The following CPNE1 variants were observed in gnomAD, a reference collection of about 807,000 sequenced individuals.
CPNE1 encodes copine 1.
A neutral mutation model predicts 63.2 loss-of-function variants in CPNE1; 58 were observed. The observed-to-expected ratio is 0.92, with a 90% CI of 0.74 to 1.14. The LOEUF (loss-of-function observed/expected upper bound fraction) is 1.14, where lower values mean the gene tolerates loss of function less well. CPNE1 is among the 50% of genes most tolerant of loss of function. The pLI is 0.00. For missense variants in CPNE1, 672 were observed against 661.7 expected (o/e 1.02, Z -0.17); for synonymous variants, 237 against 249.0 (o/e 0.95, Z 0.45).
rs775287659 is a variant in CPNE1, at chr20:35,632,795, C to T, written c.129G>A (p.Glu43=). The part of the protein sequence containing the change: ...LQDVGGGSWA[E]LGRTERVRNC... ...CCTTAACCTCCATAATCCGCCTCAC[C>T]TCAGCCCAGCTGCCCCCTCCCACAT... is the stretch of plus-strand genomic sequence containing the variant. The change falls in exon 2 of 16, where the codon GAG becomes GAA. Residue 43 remains glutamate (E), a splice_region_variant and synonymous_variant. Transcript: ENST00000397443. 2.3e-6 allele frequency: 2 copies of T among 871,990 alleles called. No individual in the cohort carries two copies. Among genetic ancestry groups the T allele is most frequent in the Non-Finnish European group, 4.0e-6 (2 of 501,206 alleles). 54.0% of individuals were successfully genotyped at this position (871,990 alleles called of 1,614,324 possible).
At chr20:35,634,551 G>A (rs1234016837) in intron 1 of CPNE1, among the ~76,000 whole-genome samples, 11 of 151,898 alleles carry the variant, frequency 7.2e-5, no homozygotes, top group South Asian at 6.2e-4. Context: ...CCGAGATCGC[G>A]CCACCGTACT....
intron 1 of CPNE1, among the ~76,000 whole-genome samples, chr20:35,633,790 TA>T (rs939084569): frequency 9.1e-4 from 131 of 143,330 alleles, no homozygotes; most frequent in Admixed American, 1.9e-3. Flanking sequence ...CCGTCTCTAC[TA>T]AAAAAAAAAA....
chr20:35,635,628 G>C (rs1394805509), intron 1 of CPNE1, among the ~76,000 whole-genome samples: 1 of 151,922 alleles, frequency 6.6e-6, no homozygotes, highest in Non-Finnish European at 1.5e-5. Flanking sequence ...GTCCCCCTTG[G>C]CCCATATACC....
At chr20:35,662,301 TCTAA>T (rs2034274636) in intron 1 of CPNE1, among the ~76,000 whole-genome samples, 1 of 152,230 alleles carries the variant, frequency 6.6e-6, no homozygotes, top group Non-Finnish European at 1.5e-5. Flanking sequence ...AAATTATACT[TCTAA>T]CCTAAACAAC....
chr20:35,627,284 G>A lies in CPNE1; in HGVS notation c.1232C>T (p.Ala411Val), dbSNP rs772421629. The A allele has an allele frequency of 1.2e-6, 2 of 1,611,630 alleles. No homozygotes were observed. Among genetic ancestry groups the A allele is most frequent in the South Asian group, 2.2e-5 (2 of 90,994 alleles). The change falls in exon 14 of 16, where the codon GCC becomes GTC. Residue 411 changes from alanine (A) to valine (V), a missense_variant. Coordinates refer to ENST00000397443, the MANE Select transcript of CPNE1 (RefSeq NM_152925.3). ...ACTGCCACCCACGACTCTCACCGAG[G>A]CAGTCCCCTGATGTGCAGCCTGGGC... ...FAAQAAHQGT[A>V]SQYFMLLLLT...
chr20:35,647,330 A>AG (rs1386077242), intron 1 of CPNE1: 1 of 151,672 alleles, frequency 6.6e-6, no homozygotes, highest in Non-Finnish European at 1.5e-5. Flanking sequence ...AAAAAAAAAA[A>AG]AAAAAAGAGC....
At chr20:35,649,960 T>C (rs929038706) in intron 1 of CPNE1, 2 of 152,604 alleles carry the variant, frequency 1.3e-5, no homozygotes, top group African/African-American at 4.8e-5. Context: ...GAGAAAATAA[T>C]GTCAATTCAT....
intron 1 of CPNE1, among the ~76,000 whole-genome samples, chr20:35,662,307 C>T (rs6060544): frequency 6.6e-6 from 1 of 152,156 alleles, no homozygotes; most frequent in African/African-American, 2.4e-5. Flanking sequence ...TACTTCTAAC[C>T]TAAACAACCA....
At chr20:35,660,910 A>T (rs1029408804) in intron 1 of CPNE1, among the ~76,000 whole-genome samples, 7 of 152,288 alleles carry the variant, frequency 4.6e-5, no homozygotes, top group African/African-American at 1.7e-4. Flanking sequence ...AAGGGAACTC[A>T]CCAGGTCTAC....
chr20:35,631,944 C>T lies in CPNE1; in HGVS notation c.537+1G>A. 6.2e-7 allele frequency: 1 copy of T among 1,612,582 alleles called. No homozygotes were observed. Among genetic ancestry groups the T allele is most frequent in the Non-Finnish European group, 8.5e-7 (1 of 1,178,678 alleles). On this transcript the variant is annotated splice_donor_variant, in intron 6 of 15. Transcript: ENST00000397443. LOFTEE classifies it high-confidence loss of function. ...CCCACCCAATCCCAGGGGTCTCATA[C>T]CTCAGATCTGTACACCAGGTGCCAT...
chr20:35,661,956 G>A (rs770825154), intron 1 of CPNE1, among the ~76,000 whole-genome samples: 2 of 151,960 alleles, frequency 1.3e-5, no homozygotes, highest in African/African-American at 2.4e-5. Context: ...CAATCACAAC[G>A]GGCACAATGC....
intron 1 of CPNE1, among the ~76,000 whole-genome samples, chr20:35,658,399 T>C (rs1330916543): frequency 1.3e-5 from 2 of 152,234 alleles, no homozygotes; most frequent in South Asian, 2.1e-4. Context: ...ATAAATGAAA[T>C]TGACCCCCAA....
intron 1 of CPNE1, chr20:35,643,267 C>G (rs1009925602): frequency 1.3e-5 from 2 of 157,718 alleles, no homozygotes; most frequent in Non-Finnish European, 2.9e-5. Flanking sequence ...TGTCCCGAAG[C>G]TGCATGCTCG....
At position 35,632,020 on chromosome 20, in the gene CPNE1, G is replaced by A. The variant is rs1311123038; in HGVS notation, c.462C>T (p.Phe154=). The change falls in exon 6 of 16, where the codon TTC becomes TTT. Residue 154 remains phenylalanine (F), a synonymous_variant. Transcript: ENST00000397443. ...VEARNLDKKD[F]LGKSDPFLEF... ...CCAGAAATGGATCTGATTTTCCCAG[G>A]AAGTCCTGCCAATGCGAGACCCCAG... 1 of 1,613,998 alleles carries A rather than the reference G, an allele frequency of 6.2e-7. No individual in the cohort carries two copies. Among genetic ancestry groups the A allele is most frequent in the South Asian group, 1.1e-5 (1 of 91,074 alleles).
intron 1 of CPNE1, among the ~76,000 whole-genome samples, chr20:35,643,689 G>A (rs545951418): frequency 3.9e-4 from 59 of 152,176 alleles, no homozygotes; most frequent in Non-Finnish European, 6.6e-4. Context: ...CTGAGATCAC[G>A]CCACTGCACT....
chr20:35,641,682 CATG>C (rs1479062885), intron 1 of CPNE1, among the ~76,000 whole-genome samples: 4 of 152,178 alleles, frequency 2.6e-5, no homozygotes, highest in African/African-American at 9.7e-5. Flanking sequence ...CTCCCCTTTT[CATG>C]ATCTTTCCAG....
At chr20:35,651,777 G>C (rs1050962046) in intron 1 of CPNE1, 3 of 152,576 alleles carry the variant, frequency 2.0e-5, no homozygotes, top group Admixed American at 2.0e-4. Context: ...GGTAGATAAA[G>C]GACTCCATAG....
At chr20:35,629,896 C>T (rs1026932649) in intron 13 of CPNE1, among the ~76,000 whole-genome samples, 1 of 152,044 alleles carries the variant, frequency 6.6e-6, no homozygotes, top group Non-Finnish European at 1.5e-5. Flanking sequence ...TGGGCTCAAG[C>T]GATCCACCCA....
In CPNE1 at chr20:35,626,164, G is replaced by T; in HGVS notation, c.*77C>A. The T allele has an allele frequency of 7.0e-7, 1 of 1,431,208 alleles. No individual in the cohort carries two copies. Among genetic ancestry groups the T allele is most frequent in the Non-Finnish European group, 9.9e-7 (1 of 1,013,984 alleles). 88.7% of individuals were successfully genotyped at this position (1,431,208 alleles called of 1,614,324 possible). On this transcript the variant is annotated 3_prime_UTR_variant, in exon 16 of 16. Coordinates refer to ENST00000397443, the MANE Select transcript of CPNE1 (RefSeq NM_152925.3). ...ATACAAAGTGCTAGCACTGAGGAGA[G>T]TGAGAAGGGTTGGGTTGTGGCCCAG...
Sources: gnomAD v4.1 joint callset for allele counts (sites outside exome capture counted in the v4.1 genomes callset) on GRCh38, gnomAD v4.1.1 for gene constraint, MANE v1.5 for transcripts, NCBI Gene and HGNC (gene_info 2026-07-23, HGNC 2026-07-21) for gene names.